ULK2: variants seen among roughly 807,000 people sequenced by gnomAD.
The protein encoded by ULK2 is serine/threonine-protein kinase ULK2.
Under a neutral mutation model 127.5 loss-of-function variants are expected in ULK2, and 76 were observed. The observed-to-expected ratio is 0.60, with a 90% confidence interval of 0.50 to 0.72. The LOEUF is 0.72. ULK2 is among the 30% of genes least tolerant of loss of function. The probability of loss-of-function intolerance (pLI) is 0.00; values close to 1 mark genes in which losing one functional copy is unlikely to be tolerated. For missense variants in ULK2, 1,144 were observed against 1,295.9 expected, an observed-to-expected ratio of 0.88 and a Z score of 1.80; for synonymous variants, 452 against 461.9, an observed-to-expected ratio of 0.98 and a Z score of 0.28.
chr17:19,826,200 T>C lies in ULK2; in HGVS notation c.788-14A>G. 7.0e-7 allele frequency: 1 copy of C among 1,429,270 alleles called. No individual in the cohort carries two copies. The highest frequency in any genetic ancestry group is 9.3e-7 in the Non-Finnish European group (1 of 1,070,260). 88.5% of individuals were successfully genotyped at this position (1,429,270 alleles called of 1,614,324 possible). On this transcript the variant is annotated splice_polypyrimidine_tract_variant and intron_variant, in intron 10 of 26. Transcript: ENST00000395544. ...TAAAAAATGCTTCTGTAACAAGAAA[T>C]GAGAATGCAACCTTTAAAGAGACAT...
intron 1 of ULK2, among the ~76,000 whole-genome samples, chr17:19,866,822 G>A (rs899445730): frequency 6.6e-6 from 1 of 152,170 alleles, no homozygotes; most frequent in South Asian, 2.1e-4. Context: ...GGGGGAAAAC[G>A]GTACGGGGGC....
chr17:19,833,367 AT>A lies in ULK2; in HGVS notation c.787+5133del, dbSNP rs71157838. Among the ~76,000 whole-genome samples, 191 of 148,990 alleles carry A rather than the reference AT, an allele frequency of 1.3e-3. 1 individual carries two copies. The highest frequency in any genetic ancestry group is 4.5e-3 in the African/African-American group (183 of 40,852). On this transcript the variant is annotated intron_variant, in intron 10 of 26. Transcript: ENST00000395544. ...ACTTTAAAGCAGTTATTATAAACAA[AT>A]TTTTTTTTTTTGAGACAGAGTCTCG... is the stretch of plus-strand genomic sequence containing the variant.
At chr17:19,809,748 A>AAC (rs2087591857) in intron 14 of ULK2, among the ~76,000 whole-genome samples, 1 of 150,780 alleles carries the variant, frequency 6.6e-6, no homozygotes, top group Non-Finnish European at 1.5e-5. Context: ...AAAAAAAAAA[A>AAC]AAAAAAATTA....
At chr17:19,834,955 T>A (rs1229249543) in intron 10 of ULK2, among the ~76,000 whole-genome samples, 3 of 151,742 alleles carry the variant, frequency 2.0e-5, no homozygotes, top group Admixed American at 6.6e-5. Flanking sequence ...CTATACATGT[T>A]TTTCACCTTT....
chr17:19,824,711 T>C (rs1434710281), intron 12 of ULK2, among the ~76,000 whole-genome samples: 1 of 151,980 alleles, frequency 6.6e-6, no homozygotes, highest in Admixed American at 6.6e-5. Flanking sequence ...AAATTCCACA[T>C]ACAAAAAAAA....
chr17:19,840,822 G>A (rs982715569), intron 9 of ULK2, among the ~76,000 whole-genome samples: 1 of 151,938 alleles, frequency 6.6e-6, no homozygotes, highest in Non-Finnish European at 1.5e-5. Flanking sequence ...TCGGGAGGGG[G>A]AGGCTGCAGT....
At chr17:19,809,257 CTA>C (rs1248482247) in intron 14 of ULK2, among the ~76,000 whole-genome samples, 1 of 152,024 alleles carries the variant, frequency 6.6e-6, no homozygotes, top group African/African-American at 2.4e-5. Flanking sequence ...AATGTGGTTA[CTA>C]TCAGGGCCTT....
intron 25 of ULK2, among the ~76,000 whole-genome samples, chr17:19,779,812 C>T (rs1004266286): frequency 6.6e-6 from 1 of 152,074 alleles, no homozygotes; most frequent in Non-Finnish European, 1.5e-5. Context: ...TTTTATCAAG[C>T]CTAACTTTCT....
At chr17:19,847,939 T>C (rs2041922184) in intron 5 of ULK2, among the ~76,000 whole-genome samples, 1 of 152,192 alleles carries the variant, frequency 6.6e-6, no homozygotes, top group South Asian at 2.1e-4. Context: ...CTCCTAGTTC[T>C]TCCACTTAAT....
chr17:19,829,856 A>AT (rs1555561206), intron 10 of ULK2, among the ~76,000 whole-genome samples: 1 of 150,434 alleles, frequency 6.6e-6, no homozygotes. Context: ...AAAAAAAAAA[A>AT]GGTATTAAAT....
intron 10 of ULK2, among the ~76,000 whole-genome samples, chr17:19,831,642 T>C (rs1421997679): frequency 6.6e-6 from 1 of 152,068 alleles, no homozygotes; most frequent in Admixed American, 6.5e-5. Flanking sequence ...CTGGCCAACA[T>C]GGTGAAGCCC....
At chr17:19,803,144 T>C (rs897903979) in intron 15 of ULK2, among the ~76,000 whole-genome samples, 9 of 152,154 alleles carry the variant, frequency 5.9e-5, no homozygotes, top group Non-Finnish European at 8.8e-5. Context: ...CCCATAACCA[T>C]AGTTTATCAG....
At chr17:19,832,619 T>C (rs1194064874) in intron 10 of ULK2, among the ~76,000 whole-genome samples, 2 of 152,126 alleles carry the variant, frequency 1.3e-5, no homozygotes, top group Non-Finnish European at 2.9e-5. Flanking sequence ...GGACAAAGGA[T>C]GGTAACTTAC....
At chr17:19,778,735 G>A (rs377199554) in intron 25 of ULK2, among the ~76,000 whole-genome samples, 1 of 152,098 alleles carries the variant, frequency 6.6e-6, no homozygotes, top group Non-Finnish European at 1.5e-5. Context: ...GACTACAGGT[G>A]CATGCCACTG....
chr17:19,805,524 T>A (rs188679194), intron 14 of ULK2, among the ~76,000 whole-genome samples: 220 of 152,332 alleles, frequency 1.4e-3, no homozygotes, highest in African/African-American at 4.7e-3. Context: ...ACTTTTGTAG[T>A]GGAGATGTTA....
At chr17:19,853,243 T>C (rs1255852544) in intron 3 of ULK2, among the ~76,000 whole-genome samples, 1 of 151,796 alleles carries the variant, frequency 6.6e-6, no homozygotes, top group African/African-American at 2.4e-5. Context: ...CAAGCGAGTC[T>C]CCTGCCTCAG....
Position 19,795,627 on chromosome 17 carries a change from T to G in ULK2, c.2096A>C (p.Asp699Ala), listed in dbSNP as rs2087251722. Residue 699 changes from aspartate to alanine, a missense_variant, in exon 20 of 27, where the codon GAT becomes GCT. This residue lies in a region of ULK2 where 913 missense variants were observed against 970.5 expected (regional missense o/e 0.94). Coordinates refer to ENST00000395544, the MANE Select transcript of ULK2 (RefSeq NM_014683.4). ...AGAAACTACATTTTTCTTACCTATA[T>G]CCATTGGTCGTTCTGTATTTAAACT... ...TDSLNTERPM[D>A]IAPAGACGGV... 6.2e-7 allele frequency: 1 copy of G among 1,613,346 alleles called. No homozygotes were observed. Among genetic ancestry groups the G allele is most frequent in the Non-Finnish European group, 8.5e-7 (1 of 1,179,404 alleles).
intron 25 of ULK2, among the ~76,000 whole-genome samples, chr17:19,778,248 T>C (rs186664857): frequency 6.6e-6 from 1 of 152,296 alleles, no homozygotes; most frequent in East Asian, 1.9e-4. Context: ...TGGAGGGAGA[T>C]ACAGTCCTGC....
Position 19,771,063 on chromosome 17 carries a change from T to G in ULK2, c.*5286A>C, listed in dbSNP as rs2086731532. ...TGGAAAAGCTCTTCCTTCCTTCCCC[T>G]CTTCCTGTACATCAGAAAGAATGCA... On this transcript the variant is annotated 3_prime_UTR_variant, in exon 27 of 27. Transcript: ENST00000395544. 6.6e-6 allele frequency: 1 copy of G among 152,174 alleles called. No individual in the cohort carries two copies. Among genetic ancestry groups the G allele is most frequent in the African/African-American group, 2.4e-5 (1 of 41,434 alleles). The allele number at this position is 152,174 out of a possible 1,614,324, so 9.4% of individuals were successfully genotyped here.
Sources: allele counts gnomAD v4.1 joint callset (sites outside exome capture counted in the v4.1 genomes callset), GRCh38; gene constraint gnomAD v4.1.1; regional missense constraint gnomAD v4.1.1; transcripts MANE v1.5; gene names NCBI Gene and HGNC (gene_info 2026-07-23, HGNC 2026-07-21).